Variants in PRDM10 observed in about 807,000 individuals in gnomAD.
PRDM10 encodes PR/SET domain 10, also known as PR domain zinc finger protein 10.
PRDM10 carries 65 observed loss-of-function variants against 133.1 expected under a neutral mutation model. The observed-to-expected ratio is 0.49, with a 90% confidence interval of 0.40 to 0.60. The LOEUF is 0.60. Ranked by LOEUF, PRDM10 falls within the 20% of genes least tolerant of loss-of-function variation. PRDM10 has a pLI of 0.00. For synonymous variants in PRDM10, 582 were observed against 580.4 expected (o/e 1.00, Z -0.04); for missense variants, 1,137 against 1,507.1 (o/e 0.75, Z 4.07).
intron 13 of PRDM10, among the ~76,000 whole-genome samples, chr11:129,920,055 G>A (rs1185269349): frequency 6.6e-6 from 1 of 152,146 alleles, no homozygotes; most frequent in African/African-American, 2.4e-5. Context: ...GCAAAGCACT[G>A]TTGCATTGCC....
Position 129,923,677 on chromosome 11 carries a change from A to C in PRDM10, c.1879-274T>G, listed in dbSNP as rs1565464119. Among the ~76,000 whole-genome samples, 1 of 151,468 alleles carries C rather than the reference A, an allele frequency of 6.6e-6. No homozygotes were observed. The highest frequency in any genetic ancestry group is 2.4e-5 in the African/African-American group (1 of 41,058). On this transcript the variant is annotated intron_variant, in intron 12 of 20. Transcript: ENST00000360871. The surrounding 1 kb of genome is among the most constrained non-coding windows in gnomAD (Gnocchi z 4.4). ...GAGAGAGAGAGAGAGAGAGAGAGAG[A>C]GAGAGAGAGAGAGAGAGTGCTTGCT... is the stretch of plus-strand genomic sequence containing the variant.
Position 129,914,897 on chromosome 11 carries a change from C to T in PRDM10, c.2648G>A (p.Ser883Asn), listed in dbSNP as rs1288621018. 5 of 1,614,138 alleles carry T rather than the reference C, an allele frequency of 3.1e-6. No homozygotes were observed. Among genetic ancestry groups the T allele is most frequent in the Non-Finnish European group, 4.2e-6 (5 of 1,180,028 alleles). Residue 883 changes from serine (S) to asparagine (N), a missense_variant, in exon 17 of 21, where the codon AGC becomes AAC. Ser to Asn is a conservative substitution (Grantham distance 46). Transcript: ENST00000360871. ...SATPAVLTTDSATGETVVTTD... is the reference protein window; with the variant it reads ...SATPAVLTTDNATGETVVTTD... ...CGTCACCACAGTCTCTCCAGTGGCG[C>T]TGTCTGTAGTCAAAACCGCTGGGGT... is the stretch of plus-strand genomic sequence containing the variant.
intron 4 of PRDM10, among the ~76,000 whole-genome samples, chr11:129,948,563 G>C (rs1353496725): frequency 6.6e-6 from 1 of 152,150 alleles, no homozygotes; most frequent in African/African-American, 2.4e-5. Context: ...GACCTCACCA[G>C]GCAGCCTGAA....
chr11:129,988,056 C>T (rs1327190388), intron 1 of PRDM10, among the ~76,000 whole-genome samples: 3 of 152,164 alleles, frequency 2.0e-5, no homozygotes, highest in Admixed American at 2.0e-4. Context: ...TGGATGAACC[C>T]TGAAAACATT....
At chr11:129,995,414 A>C (rs1001643933) in intron 1 of PRDM10, among the ~76,000 whole-genome samples, 3 of 152,328 alleles carry the variant, frequency 2.0e-5, no homozygotes, top group Non-Finnish European at 2.9e-5. Flanking sequence ...TTCTGTGTTG[A>C]AGACTAAACG....
chr11:129,960,224 G>A (rs774785647), intron 2 of PRDM10, among the ~76,000 whole-genome samples: 9 of 152,170 alleles, frequency 5.9e-5, no homozygotes, highest in African/African-American at 9.7e-5. Context: ...ACACGTGTAT[G>A]TTTACTACAA....
At chr11:129,983,878 C>CCCTA in intron 1 of PRDM10, among the ~76,000 whole-genome samples, 1 of 152,262 alleles carries the variant, frequency 6.6e-6, no homozygotes, top group East Asian at 1.9e-4. Context: ...ATGTTCCCTC[C>CCCTA]TGTGACCACT....
chr11:129,918,401 C>T lies in PRDM10; in HGVS notation c.2214+138G>A. 2 of 1,065,214 alleles carry T rather than the reference C, an allele frequency of 1.9e-6. No homozygotes were observed. The highest frequency in any genetic ancestry group is 2.5e-6 in the Non-Finnish European group (2 of 802,622). 66.0% of individuals were successfully genotyped at this position (1,065,214 alleles called of 1,614,324 possible). ...GAACTCCAAATTGGGAATCGTTTGC[C>T]TCTGTTTCTTCCCCTGGACATTGAC... On this transcript the variant is annotated intron_variant, in intron 14 of 20. Transcript: ENST00000360871. This position sits in a 1 kb window ranked among gnomAD's most constrained non-coding sequence, Gnocchi z 5.3.
intron 2 of PRDM10, among the ~76,000 whole-genome samples, chr11:129,959,914 G>A (rs959133300): frequency 2.6e-5 from 4 of 151,168 alleles, no homozygotes; most frequent in African/African-American, 4.9e-5. Flanking sequence ...CACCATGTCC[G>A]GCTAATTTTT....
rs1391579221 is a variant in PRDM10, at chr11:129,947,421, G to A, written c.295-51C>T. Reference sequence around the variant, plus strand: ...TAAGCAGACATGGACACCTGCTTTTGGTTCGCTGGTGCCTGCTGGCACAAA... The same window carrying A: ...TAAGCAGACATGGACACCTGCTTTTAGTTCGCTGGTGCCTGCTGGCACAAA... On this transcript the variant is annotated intron_variant, in intron 4 of 20. Transcript: ENST00000360871. The surrounding 1 kb of genome is among the most constrained non-coding windows in gnomAD (Gnocchi z 4.6). The A allele has an allele frequency of 5.6e-6, 9 of 1,605,714 alleles. No homozygotes were observed. In the Admixed American group the frequency reaches 1.2e-4, roughly 21 times the overall value.
intron 1 of PRDM10, among the ~76,000 whole-genome samples, chr11:129,994,245 T>TTCGAGACCAGCCTAGTCTTGAGACCTGA (rs373317144): frequency 6.8e-6 from 1 of 146,804 alleles, no homozygotes; most frequent in African/African-American, 2.6e-5. Context: ...CCGAGGCGGG[T>TTCGAGACCAGCCTAGTCTTGAGACCTGA]GGTCAGGAGT....
At chr11:129,934,559 A>G (rs1024086969) in intron 9 of PRDM10, among the ~76,000 whole-genome samples, 1 of 152,228 alleles carries the variant, frequency 6.6e-6, no homozygotes, top group African/African-American at 2.4e-5. Context: ...TTTCAAAAAA[A>G]AAATACAATC....
chr11:129,916,096 G>C (rs1317493332), intron 15 of PRDM10, among the ~76,000 whole-genome samples: 1 of 152,120 alleles, frequency 6.6e-6, no homozygotes. Context: ...ATAAATCTAA[G>C]ATAATAACTG....
intron 4 of PRDM10, among the ~76,000 whole-genome samples, chr11:129,948,942 T>C (rs1377139959): frequency 2.0e-5 from 3 of 152,234 alleles, no homozygotes; most frequent in African/African-American, 7.2e-5. Flanking sequence ...TAAACCATTT[T>C]TCCCCTCATC....
At chr11:129,919,717 G>A (rs1197726268) in intron 13 of PRDM10, among the ~76,000 whole-genome samples, 1 of 152,128 alleles carries the variant, frequency 6.6e-6, no homozygotes, top group Non-Finnish European at 1.5e-5. Flanking sequence ...AGACTCTGAG[G>A]CTTTCTACAA....
At chr11:129,928,207 GC>G in intron 11 of PRDM10, among the ~76,000 whole-genome samples, 1 of 148,552 alleles carries the variant, frequency 6.7e-6, no homozygotes, top group East Asian at 2.0e-4. Context: ...CTGGACTCAA[GC>G]AATCCTCCCA....
At chr11:129,909,096 G>T (rs2135721798) in intron 19 of PRDM10, among the ~76,000 whole-genome samples, 1 of 152,242 alleles carries the variant, frequency 6.6e-6, no homozygotes, top group East Asian at 1.9e-4. Context: ...GATTCTAGTG[G>T]TAAGAGAGTC....
intron 1 of PRDM10, among the ~76,000 whole-genome samples, chr11:129,963,719 A>G (rs1951849629): frequency 1.3e-5 from 2 of 152,316 alleles, no homozygotes; most frequent in South Asian, 4.1e-4. Context: ...CCTAATTCTT[A>G]AAAACAAGAA....
rs984662719 is a variant in PRDM10 at position 129,901,567 on chromosome 11, C to T, written c.*746G>A. ...AAGCTTTAATGTAGGGGTTTAGATT[C>T]TGCTGACATCAAGCAGCCTTTTCTC... On this transcript the variant is annotated 3_prime_UTR_variant, in exon 21 of 21. Transcript: ENST00000360871. 3 of 152,256 alleles carry T rather than the reference C, an allele frequency of 2.0e-5. No homozygotes were observed. Among genetic ancestry groups the T allele is most frequent in the African/African-American group, 7.2e-5 (3 of 41,450 alleles). 9.4% of individuals were successfully genotyped at this position (152,256 alleles called of 1,614,324 possible).
Sources: allele counts gnomAD v4.1 joint callset (sites outside exome capture counted in the v4.1 genomes callset), GRCh38; gene constraint gnomAD v4.1.1; non-coding constraint Gnocchi (gnomAD v3.1); transcripts MANE v1.5; gene names NCBI Gene and HGNC (gene_info 2026-07-23, HGNC 2026-07-21).